CNTNAP2: variants seen among roughly 807,000 people sequenced by gnomAD.
The protein encoded by CNTNAP2 is contactin-associated protein-like 2.
In CNTNAP2, 98 loss-of-function variants were observed where a neutral mutation model predicts 155.2. The observed-to-expected ratio is 0.63, with a 90% confidence interval of 0.54 to 0.75. CNTNAP2 has a LOEUF of 0.75. Ranked by LOEUF, CNTNAP2 falls within the 30% of genes least tolerant of loss-of-function variation. The probability of loss-of-function intolerance (pLI) is 0.00; values close to 1 mark genes in which losing one functional copy is unlikely to be tolerated. For synonymous variants in CNTNAP2, 651 were observed against 631.2 expected (o/e 1.03, Z -0.47); for missense variants, 1,727 against 1,688.1 (o/e 1.02, Z -0.40).
intron 12 of CNTNAP2, among the ~76,000 whole-genome samples, chr7:147,609,645 A>G (rs955626347): frequency 6.6e-6 from 1 of 152,098 alleles, no homozygotes; most frequent in Non-Finnish European, 1.5e-5. Flanking sequence ...ATAGGAAAAA[A>G]TAGAGGTGAT....
chr7:146,199,531 T>A (rs1393203994), intron 1 of CNTNAP2, among the ~76,000 whole-genome samples: 1 of 152,008 alleles, frequency 6.6e-6, no homozygotes, highest in Non-Finnish European at 1.5e-5. Flanking sequence ...ACCACAGGAG[T>A]TAAATAATTA....
At chr7:147,438,608 G>A (rs1196838101) in intron 10 of CNTNAP2, among the ~76,000 whole-genome samples, 1 of 151,852 alleles carries the variant, frequency 6.6e-6, no homozygotes, top group Non-Finnish European at 1.5e-5. Flanking sequence ...ATGATACAGT[G>A]ATTTTGGAAC....
chr7:147,458,884 A>G (rs1797967063), intron 10 of CNTNAP2, among the ~76,000 whole-genome samples: 1 of 152,232 alleles, frequency 6.6e-6, no homozygotes, highest in Non-Finnish European at 1.5e-5. Context: ...AACTGAATAT[A>G]AACACTTTGA....
intron 13 of CNTNAP2, among the ~76,000 whole-genome samples, chr7:147,817,298 C>T (rs75806864): frequency 0.12 from 18,058 of 152,126 alleles, 1,259 homozygotes; most frequent in South Asian, 0.25. Context: ...ATTTTTGAAA[C>T]CGTTAGAAAA....
At chr7:147,974,596 G>C (rs903382037) in intron 14 of CNTNAP2, among the ~76,000 whole-genome samples, 1 of 152,122 alleles carries the variant, frequency 6.6e-6, no homozygotes, top group African/African-American at 2.4e-5. Flanking sequence ...TTGCACTCCA[G>C]CCTGGGCAAC....
At chr7:147,190,041 C>G (rs987428332) in intron 8 of CNTNAP2, among the ~76,000 whole-genome samples, 1 of 151,980 alleles carries the variant, frequency 6.6e-6, no homozygotes, top group Non-Finnish European at 1.5e-5. Flanking sequence ...ACCGTGCCCA[C>G]CCTTAACACC....
At chr7:146,455,581 C>G (rs536237352) in intron 1 of CNTNAP2, among the ~76,000 whole-genome samples, 1 of 152,178 alleles carries the variant, frequency 6.6e-6, no homozygotes, top group Non-Finnish European at 1.5e-5. Flanking sequence ...TCTTCTAAGA[C>G]CTTCTCTCAT....
chr7:146,398,072 A>G (rs1004983276), intron 1 of CNTNAP2, among the ~76,000 whole-genome samples: 1 of 150,128 alleles, frequency 6.7e-6, no homozygotes, highest in African/African-American at 2.5e-5. Flanking sequence ...GCGTTTCACC[A>G]TGTTGCCCAG....
intron 20 of CNTNAP2, among the ~76,000 whole-genome samples, chr7:148,263,785 AT>A (rs1796619034): frequency 6.6e-6 from 1 of 152,104 alleles, no homozygotes; most frequent in Non-Finnish European, 1.5e-5. Flanking sequence ...TAAATGTAAA[AT>A]TTAGCATTTT....
chr7:146,670,040 T>C (rs1800274087), intron 1 of CNTNAP2, among the ~76,000 whole-genome samples: 1 of 152,196 alleles, frequency 6.6e-6, no homozygotes, highest in Admixed American at 6.5e-5. Context: ...TTTAAAGAAA[T>C]ATGTATAAAG....
At chr7:146,419,833 G>T (rs1363502198) in intron 1 of CNTNAP2, among the ~76,000 whole-genome samples, 1 of 152,048 alleles carries the variant, frequency 6.6e-6, no homozygotes, top group African/African-American at 2.4e-5. Flanking sequence ...TTTGAAAGAT[G>T]ACTGAAGTCT....
At chr7:146,991,150 A>G (rs1416313306) in intron 3 of CNTNAP2, among the ~76,000 whole-genome samples, 8 of 152,162 alleles carry the variant, frequency 5.3e-5, no homozygotes, top group African/African-American at 1.9e-4. Flanking sequence ...AAAAAATTAG[A>G]TCTAGCCCAG....
chr7:146,301,637 C>T (rs1269619722), intron 1 of CNTNAP2, among the ~76,000 whole-genome samples: 1 of 151,386 alleles, frequency 6.6e-6, no homozygotes, highest in Non-Finnish European at 1.5e-5. Flanking sequence ...ACAATAACAA[C>T]AACAACAACA....
At chr7:146,979,564 A>G (rs763282088) in intron 3 of CNTNAP2, among the ~76,000 whole-genome samples, 4 of 152,188 alleles carry the variant, frequency 2.6e-5, no homozygotes, top group Admixed American at 1.3e-4. Flanking sequence ...TTTGTTTATC[A>G]TCTGGTTTCC....
intron 13 of CNTNAP2, among the ~76,000 whole-genome samples, chr7:147,893,659 A>G (rs965358965): frequency 2.0e-5 from 3 of 152,200 alleles, no homozygotes; most frequent in Admixed American, 2.0e-4. Context: ...TCATAGGGAA[A>G]TTGAAAACCC....
At position 148,365,463 on chromosome 7, in the gene CNTNAP2, G is replaced by A. The variant is rs570108315; in HGVS notation, c.3476-18186G>A. Among the ~76,000 whole-genome samples the A allele has an allele frequency of 5.6e-4, 85 of 152,214 alleles. No homozygotes were observed. The Middle Eastern group carries it at 0.01, about 18-fold the overall frequency. ...GCAGACTCCCTGAGGTCAGCAGTTC[G>A]AGACCAGCTTGGCCAACATGATGAA... On this transcript the variant is annotated intron_variant, in intron 21 of 23. Transcript: ENST00000361727.
chr7:146,919,095 AT>A (rs1004342199), intron 3 of CNTNAP2, among the ~76,000 whole-genome samples: 4 of 151,796 alleles, frequency 2.6e-5, no homozygotes, highest in African/African-American at 9.7e-5. Context: ...ATCCTGTATC[AT>A]TTTTTTGACT....
chr7:147,677,266 G>A (rs1795884461), intron 13 of CNTNAP2, among the ~76,000 whole-genome samples: 1 of 151,830 alleles, frequency 6.6e-6, no homozygotes, highest in Non-Finnish European at 1.5e-5. Context: ...TAGTGATGTT[G>A]AGCATTTTTT....
intron 10 of CNTNAP2, among the ~76,000 whole-genome samples, chr7:147,481,201 A>G (rs944179820): frequency 1.3e-5 from 2 of 152,218 alleles, no homozygotes; most frequent in African/African-American, 2.4e-5. Flanking sequence ...AAAGCCTTCA[A>G]CGTGCGTTGA....
Sources: allele counts gnomAD v4.1 joint callset (sites outside exome capture counted in the v4.1 genomes callset), GRCh38; gene constraint gnomAD v4.1.1; transcripts MANE v1.5; gene names NCBI Gene and HGNC (gene_info 2026-07-23, HGNC 2026-07-21).